The following ACTN1 variants were observed in gnomAD, a reference collection of about 807,000 sequenced individuals.
ACTN1 encodes actinin alpha 1.
In ACTN1, 30 loss-of-function variants were observed where a neutral mutation model predicts 119.6. The ratio of observed to expected loss-of-function variants is 0.25; its 90% CI spans 0.19 to 0.34. ACTN1 has a LOEUF of 0.34. Ranked by LOEUF, ACTN1 falls within the 10% of genes least tolerant of loss-of-function variation. The pLI, the probability that ACTN1 is intolerant of heterozygous loss-of-function variation, is 1.00. For missense variants in ACTN1, 764 were observed against 1,223.4 expected, an observed-to-expected ratio of 0.62 and a Z score of 5.60; for synonymous variants, 429 against 472.6, an observed-to-expected ratio of 0.91 and a Z score of 1.20.
At chr14:68,967,988 T>C (rs758917250) in intron 1 of ACTN1, among the ~76,000 whole-genome samples, 1 of 152,156 alleles carries the variant, frequency 6.6e-6, no homozygotes, top group East Asian at 1.9e-4. Flanking sequence ...TCATGACACA[T>C]TTGCTTTATC....
At chr14:68,914,049 C>T (rs893823940) in intron 3 of ACTN1, among the ~76,000 whole-genome samples, 2 of 151,654 alleles carry the variant, frequency 1.3e-5, no homozygotes, top group Non-Finnish European at 2.9e-5. Flanking sequence ...ATGACAAAAC[C>T]CCATCTCTAC....
intron 8 of ACTN1, among the ~76,000 whole-genome samples, chr14:68,898,969 A>G (rs893907444): frequency 7.6e-5 from 11 of 145,118 alleles, no homozygotes; most frequent in African/African-American, 2.1e-4. Flanking sequence ...ACACACACAC[A>G]CCACACACGC....
Position 68,880,184 on chromosome 14 carries a change from C to T in ACTN1, c.2134-76G>A. The stretch of plus-strand genomic sequence containing the variant: ...CTGGCGGCCCCTGCCCATCCTACTC[C>T]CCAACCATCAAAATGGCCAAAGCCA... On this transcript the variant is annotated intron_variant, in intron 17 of 21. Transcript: ENST00000394419. This position sits in a 1 kb window ranked among gnomAD's most constrained non-coding sequence, Gnocchi z 4.6. 2 of 1,547,544 alleles carry T rather than the reference C, an allele frequency of 1.3e-6. No individual in the cohort carries two copies. Among genetic ancestry groups the T allele is most frequent in the Non-Finnish European group, 1.7e-6 (2 of 1,144,264 alleles).
chr14:68,954,405 G>A (rs2140560326), intron 1 of ACTN1, among the ~76,000 whole-genome samples: 1 of 152,204 alleles, frequency 6.6e-6, no homozygotes, highest in Non-Finnish European at 1.5e-5. Flanking sequence ...TTGGCTCACT[G>A]CAACCTCCGC....
rs1284010515 is a variant in ACTN1, at chr14:68,925,160, C to G, written c.220+398G>C. Among the ~76,000 whole-genome samples, 3 of 152,066 alleles carry G rather than the reference C, an allele frequency of 2.0e-5. No individual in the cohort carries two copies. The highest frequency in any genetic ancestry group is 3.9e-4 in the East Asian group (2 of 5,190). On this transcript the variant is annotated intron_variant, in intron 2 of 21. Transcript: ENST00000394419. This position sits in a 1 kb window ranked among gnomAD's most constrained non-coding sequence, Gnocchi z 4.3. ...CCAGTAGAGCTGTCCCTCCAGACAT[C>G]TGGACAAACCAGGGGCTGGGGAATG... is the stretch of plus-strand genomic sequence containing the variant.
chr14:68,877,836 C>T lies in ACTN1; in HGVS notation c.2428-596G>A, dbSNP rs2031067376. ...GTCCTGTAGGGTTCCCCCACTTCAC[C>T]TGAGGTAACACACTAATGACGGCAG... On this transcript the variant is annotated intron_variant, in intron 20 of 21. Coordinates refer to ENST00000394419, the MANE Select transcript of ACTN1 (RefSeq NM_001130004.2). The T allele has an allele frequency of 1.9e-5, 3 of 156,274 alleles. No homozygotes were observed. The South Asian group carries it at 5.9e-4, about 31-fold the overall frequency. 9.7% of individuals were successfully genotyped at this position (156,274 alleles called of 1,614,324 possible). A position where few individuals can be genotyped will look rare whatever the true frequency, so the allele number is the denominator to read the frequency against.
Position 68,880,710 on chromosome 14 carries a change from C to T in ACTN1, c.2133+100G>A. 1 of 1,259,224 alleles carries T rather than the reference C, an allele frequency of 7.9e-7. No individual in the cohort carries two copies. Among genetic ancestry groups the T allele is most frequent in the Non-Finnish European group, 1.1e-6 (1 of 899,162 alleles). The allele number at this position is 1,259,224 out of a possible 1,614,324, so 78.0% of individuals were successfully genotyped here. On this transcript the variant is annotated intron_variant, in intron 17 of 21. Coordinates refer to ENST00000394419, the MANE Select transcript of ACTN1 (RefSeq NM_001130004.2). This position sits in a 1 kb window ranked among gnomAD's most constrained non-coding sequence, Gnocchi z 4.6. ...GGCTTCAGGGGTGAAGTTAATTTAT[C>T]CTCCAACTATGACCTGTTCCCTTGG...
chr14:68,976,580 C>T (rs1237174311), intron 1 of ACTN1, among the ~76,000 whole-genome samples: 2 of 152,222 alleles, frequency 1.3e-5, no homozygotes, highest in Non-Finnish European at 2.9e-5. Context: ...GCCATGGCCC[C>T]TCCATCAACC....
At chr14:68,887,805 T>A in intron 11 of ACTN1, 1 of 914,102 alleles carries the variant, frequency 1.1e-6, no homozygotes, top group Non-Finnish European at 1.8e-6. Context: ...TCGGCTTCTT[T>A]CTCTCCTGCT....
chr14:68,940,232 A>G (rs1180318085), intron 1 of ACTN1, among the ~76,000 whole-genome samples: 3 of 152,224 alleles, frequency 2.0e-5, no homozygotes, highest in African/African-American at 7.2e-5. Flanking sequence ...CCAAAGAAGG[A>G]AAAGCCACCA....
intron 4 of ACTN1, among the ~76,000 whole-genome samples, chr14:68,910,467 A>G (rs2033938825): frequency 6.6e-6 from 1 of 152,180 alleles, no homozygotes; most frequent in Non-Finnish European, 1.5e-5. Flanking sequence ...GCTGAGTGAG[A>G]AGAAAGCATT....
At position 68,874,998 on chromosome 14, in the gene ACTN1, T is replaced by C. The variant is rs750243442; in HGVS notation, c.2606A>G (p.Glu869Gly). 2.5e-6 allele frequency: 4 copies of C among 1,613,556 alleles called. No individual in the cohort carries two copies. Among genetic ancestry groups the C allele is most frequent in the Non-Finnish European group, 3.4e-6 (4 of 1,180,002 alleles). The change falls in exon 22 of 22, where the codon GAG becomes GGG. Residue 869 changes from glutamate to glycine, a missense_variant. Around this residue, in one of 4 missense-constraint regions of ACTN1, gnomAD observed 102 missense variants for 78.2 expected, o/e 1.30. Coordinates refer to ENST00000394419, the MANE Select transcript of ACTN1 (RefSeq NM_001130004.2). ...GTCGGGTGGCAGCTCGCGGCGCAGC[T>C]CGTCCATGGTAATGTAGTTCTGCGA... ...AGDKNYITMD[E>G]LRRELPPDQA...
At chr14:68,948,752 AG>A (rs11337091) in intron 1 of ACTN1, among the ~76,000 whole-genome samples, 49,047 of 152,038 alleles carry the variant, frequency 0.32, 8,225 homozygotes, top group Non-Finnish European at 0.37. Context: ...CTGGGCATCC[AG>A]GAAGTACAGG....
chr14:68,904,294 A>G (rs961884897), intron 7 of ACTN1, among the ~76,000 whole-genome samples: 7 of 152,178 alleles, frequency 4.6e-5, no homozygotes, highest in African/African-American at 1.7e-4. Context: ...GGGTGAGGAC[A>G]GTGCACCTCT....
intron 1 of ACTN1, among the ~76,000 whole-genome samples, chr14:68,931,885 C>G (rs895747195): frequency 6.6e-6 from 1 of 152,090 alleles, no homozygotes; most frequent in Non-Finnish European, 1.5e-5. Flanking sequence ...CAGGGCTCGG[C>G]AAGGGCACTG....
chr14:68,946,609 C>T (rs1278306051), intron 1 of ACTN1, among the ~76,000 whole-genome samples: 2 of 152,186 alleles, frequency 1.3e-5, no homozygotes, highest in African/African-American at 2.4e-5. Context: ...ACCGCGCCTA[C>T]GCTCTGACAC....
rs536516423 is a variant in ACTN1 at position 68,920,793 on chromosome 14, G to A, written c.340+213C>T. On this transcript the variant is annotated intron_variant, in intron 3 of 21. Coordinates refer to ENST00000394419, the MANE Select transcript of ACTN1 (RefSeq NM_001130004.2). The stretch of plus-strand genomic sequence containing the variant: ...AGCAGGTGCAGGCATGGGAACAGGG[G>A]TCTAAGTCCTTGGTTTTGGGCAGGG... Among the ~76,000 whole-genome samples, 4 of 152,310 alleles carry A rather than the reference G, an allele frequency of 2.6e-5. No homozygotes were observed. The South Asian group carries it at 8.3e-4, about 32-fold the overall frequency.
intron 1 of ACTN1, among the ~76,000 whole-genome samples, chr14:68,972,727 G>A (rs183263694): frequency 2.0e-4 from 31 of 152,352 alleles, no homozygotes; most frequent in Admixed American, 1.4e-3. Context: ...GCTGGAGCCC[G>A]ACTGCCTGGC....
At chr14:68,948,026 A>G (rs540135799) in intron 1 of ACTN1, among the ~76,000 whole-genome samples, 2 of 152,346 alleles carry the variant, frequency 1.3e-5, no homozygotes, top group African/African-American at 4.8e-5. Flanking sequence ...CTGGGGAGGA[A>G]GCAGTTTCCT....
Sources: gnomAD v4.1 joint callset for allele counts (sites outside exome capture counted in the v4.1 genomes callset) on GRCh38, gnomAD v4.1.1 for gene constraint, gnomAD v4.1.1 regional missense constraint, Gnocchi (gnomAD v3.1) non-coding constraint, MANE v1.5 for transcripts, NCBI Gene and HGNC (gene_info 2026-07-23, HGNC 2026-07-21) for gene names.